COMMD10: variants seen among roughly 807,000 people sequenced by gnomAD.
COMMD10 encodes the protein COMM domain-containing protein 10.
Under a neutral mutation model 28.9 loss-of-function variants are expected in COMMD10, and 33 were observed. The observed-to-expected ratio is 1.14, with a 90% confidence interval of 0.87 to 1.53. The LOEUF is 1.53. Ranked by LOEUF, COMMD10 falls within the 40% of genes most tolerant of loss-of-function variation. The pLI, the probability that COMMD10 is intolerant of heterozygous loss-of-function variation, is 0.00. For synonymous variants in COMMD10, 110 were observed against 81.7 expected, an observed-to-expected ratio of 1.35 and a Z score of -1.87; for missense variants, 310 against 233.4, an observed-to-expected ratio of 1.33 and a Z score of -2.14.
At chr5:116,180,934 C>T (rs930906753) in intron 5 of COMMD10, among the ~76,000 whole-genome samples, 4 of 152,156 alleles carry the variant, frequency 2.6e-5, no homozygotes, top group Middle Eastern at 6.8e-3. Context: ...GGGCAGATTG[C>T]CTGAGCTTAG....
At chr5:116,244,661 A>C (rs1455829897) in intron 5 of COMMD10, among the ~76,000 whole-genome samples, 3 of 67,270 alleles carry the variant, frequency 4.5e-5, no homozygotes, top group Non-Finnish European at 7.4e-5. Flanking sequence ...AAAAAATTAC[A>C]AAAAAAAAAA....
chr5:116,213,608 G>A (rs750637042), intron 5 of COMMD10, among the ~76,000 whole-genome samples: 2 of 151,964 alleles, frequency 1.3e-5, no homozygotes, highest in Non-Finnish European at 2.9e-5. Flanking sequence ...AAGGACCAAC[G>A]GATTTATAAC....
intron 5 of COMMD10, among the ~76,000 whole-genome samples, chr5:116,284,740 A>G (rs79905931): frequency 0.018 from 2,683 of 151,854 alleles, 128 homozygotes; most frequent in African/African-American, 0.061. Flanking sequence ...ATTTCATTTT[A>G]TTTTCTCTTT....
chr5:116,267,189 T>G (rs1476934539), intron 5 of COMMD10, among the ~76,000 whole-genome samples: 1 of 151,906 alleles, frequency 6.6e-6, no homozygotes, highest in Non-Finnish European at 1.5e-5. Context: ...ATTGTGTATT[T>G]AGAAAACCTC....
At chr5:116,273,629 T>G (rs116420084) in intron 5 of COMMD10, among the ~76,000 whole-genome samples, 1 of 151,890 alleles carries the variant, frequency 6.6e-6, no homozygotes, top group African/African-American at 2.4e-5. Context: ...TACAAAACAT[T>G]AAACCAAATT....
intron 5 of COMMD10, among the ~76,000 whole-genome samples, chr5:116,234,820 C>T (rs951131495): frequency 6.6e-6 from 1 of 152,084 alleles, no homozygotes; most frequent in African/African-American, 2.4e-5. Flanking sequence ...TGAAGAGATC[C>T]CTTAAAGTAT....
At chr5:116,187,697 AGTTTGT>A (rs1748187635) in intron 5 of COMMD10, among the ~76,000 whole-genome samples, 1 of 152,154 alleles carries the variant, frequency 6.6e-6, no homozygotes, top group African/African-American at 2.4e-5. Context: ...AAATGAATAT[AGTTTGT>A]GTTTAACTGA....
intron 5 of COMMD10, among the ~76,000 whole-genome samples, chr5:116,211,578 C>CTA (rs568043956): frequency 5.3e-5 from 8 of 151,888 alleles, no homozygotes; most frequent in Non-Finnish European, 8.8e-5. Context: ...CAGTGCATGA[C>CTA]TATATATATA....
intron 5 of COMMD10, chr5:116,255,805 A>T (rs1218466136): frequency 1.3e-5 from 2 of 151,228 alleles, no homozygotes; most frequent in East Asian, 3.9e-4. Flanking sequence ...TTCGGGTTGT[A>T]CCTTTTTTGC....
In COMMD10 at chr5:116,099,303, T is replaced by C. The variant is rs535605074; in HGVS notation, c.399+6603T>C. 1.6e-4 allele frequency among the ~76,000 whole-genome samples: 24 copies of C among 152,300 alleles called. No homozygotes were observed. The South Asian group carries it at 4.8e-3, about 30-fold the overall frequency. Reference sequence around the variant, plus strand: ...CATTTTGTCACAAATGGCAGTGTTTTCTTTTTAAAGGTTGAATAATATTCC... The same window carrying C: ...CATTTTGTCACAAATGGCAGTGTTTCCTTTTTAAAGGTTGAATAATATTCC... On this transcript the variant is annotated intron_variant, in intron 4 of 6. Transcript: ENST00000274458.
At chr5:116,290,885 C>T (rs951021913) in intron 5 of COMMD10, among the ~76,000 whole-genome samples, 4 of 152,222 alleles carry the variant, frequency 2.6e-5, no homozygotes, top group Non-Finnish European at 4.4e-5. Flanking sequence ...ACTACAGCAT[C>T]ATACATACAT....
At chr5:116,270,820 C>T (rs1053439573) in intron 5 of COMMD10, among the ~76,000 whole-genome samples, 15 of 151,378 alleles carry the variant, frequency 9.9e-5, no homozygotes, top group Admixed American at 7.9e-4. Context: ...ACCTGTAATC[C>T]GAACACTACT....
chr5:116,109,008 A>C lies in COMMD10; in HGVS notation c.399+16308A>C, dbSNP rs575574537. On this transcript the variant is annotated intron_variant, in intron 4 of 6. Transcript: ENST00000274458. The stretch of plus-strand genomic sequence containing the variant: ...GCAATGCCCCACCCTGCTTCTGCTC[A>C]CCATCCGTGGGCTGCATCCACTGTC... Among the ~76,000 whole-genome samples, 304 of 152,176 alleles carry C rather than the reference A, an allele frequency of 2.0e-3. 2 individuals carry two copies. The highest frequency in any genetic ancestry group is 7.0e-3 in the African/African-American group (289 of 41,518).
intron 5 of COMMD10, among the ~76,000 whole-genome samples, chr5:116,214,748 T>C (rs1257877143): frequency 3.3e-5 from 5 of 152,174 alleles, no homozygotes; most frequent in South Asian, 4.1e-4. Flanking sequence ...GGCCTCAGTA[T>C]ACATTAACAT....
At chr5:116,245,007 G>A (rs1401893907) in intron 5 of COMMD10, among the ~76,000 whole-genome samples, 4 of 148,934 alleles carry the variant, frequency 2.7e-5, no homozygotes, top group Non-Finnish European at 4.5e-5. Flanking sequence ...AGGAGATTGA[G>A]ATAAGAAAAA....
In COMMD10 at chr5:116,149,676, G is replaced by A. The variant is rs932372022; in HGVS notation, c.510+15498G>A. Among the ~76,000 whole-genome samples the A allele has an allele frequency of 1.2e-4, 18 of 150,706 alleles. 1 individual carries two copies. The South Asian group carries it at 1.9e-3, about 16-fold the overall frequency. Reference sequence around the variant, plus strand: ...CTTCTTTTGAGAAGTGTCTGTTCATGTCCTTTGCCCACTTTTTGATGGGGT... The same window carrying A: ...CTTCTTTTGAGAAGTGTCTGTTCATATCCTTTGCCCACTTTTTGATGGGGT... On this transcript the variant is annotated intron_variant, in intron 5 of 6. Transcript: ENST00000274458.
intron 4 of COMMD10, among the ~76,000 whole-genome samples, chr5:116,131,301 G>A (rs938753357): frequency 1.1e-4 from 17 of 151,834 alleles, no homozygotes; most frequent in African/African-American, 3.9e-4. Flanking sequence ...TGAAAGCTAG[G>A]GTAATGTTTA....
intron 4 of COMMD10, among the ~76,000 whole-genome samples, chr5:116,106,318 T>A (rs1341487781): frequency 6.6e-6 from 1 of 152,138 alleles, no homozygotes; most frequent in Non-Finnish European, 1.5e-5. Context: ...TAATCTTGAG[T>A]CTAATTTGAT....
At chr5:116,270,898 C>T (rs114219208) in intron 5 of COMMD10, among the ~76,000 whole-genome samples, 4,253 of 151,688 alleles carry the variant, frequency 0.028, 265 homozygotes, top group African/African-American at 0.098. Flanking sequence ...GAGATCACAC[C>T]ATTACACTCC....
Sources: gnomAD v4.1 joint callset for allele counts (sites outside exome capture counted in the v4.1 genomes callset) on GRCh38, gnomAD v4.1.1 for gene constraint, MANE v1.5 for transcripts, NCBI Gene and HGNC (gene_info 2026-07-23, HGNC 2026-07-21) for gene names.